The following TMEM132D variants were observed in gnomAD, a reference collection of about 807,000 sequenced individuals.
TMEM132D encodes the protein transmembrane protein 132D.
TMEM132D carries 21 observed loss-of-function variants against 62.3 expected under a neutral mutation model. The observed-to-expected ratio is 0.34, with a 90% CI of 0.24 to 0.49. The LOEUF (loss-of-function observed/expected upper bound fraction) is 0.49. Ranked by LOEUF, TMEM132D falls within the 20% of genes least tolerant of loss-of-function variation. The pLI is 0.99. For missense variants in TMEM132D, 1,346 were observed against 1,402.8 expected (o/e 0.96, Z 0.65); for synonymous variants, 621 against 575.6 (o/e 1.08, Z -1.13).
At chr12:129,524,612 G>A (rs1179622100) in intron 3 of TMEM132D, among the ~76,000 whole-genome samples, 2 of 152,116 alleles carry the variant, frequency 1.3e-5, no homozygotes, top group Admixed American at 1.3e-4. Context: ...CATCTCTCCA[G>A]ATTGATGGCT....
At chr12:129,168,195 T>C (rs1460989010) in intron 5 of TMEM132D, among the ~76,000 whole-genome samples, 1 of 152,224 alleles carries the variant, frequency 6.6e-6, no homozygotes, top group Non-Finnish European at 1.5e-5. Context: ...GTTTTAACTA[T>C]GGTTTCCACT....
chr12:129,566,067 G>A (rs1373238661), intron 2 of TMEM132D, among the ~76,000 whole-genome samples: 1 of 152,228 alleles, frequency 6.6e-6, no homozygotes, highest in Non-Finnish European at 1.5e-5. Flanking sequence ...TTAGGTGATT[G>A]AGCTGTAAGC....
chr12:129,458,746 C>T (rs1197098645), intron 3 of TMEM132D, among the ~76,000 whole-genome samples: 2 of 152,166 alleles, frequency 1.3e-5, no homozygotes, highest in Admixed American at 6.5e-5. Flanking sequence ...TGAGCAGGCT[C>T]ATATTCGGCC....
At chr12:129,332,135 A>C (rs553038589) in intron 4 of TMEM132D, among the ~76,000 whole-genome samples, 3 of 152,328 alleles carry the variant, frequency 2.0e-5, no homozygotes, top group East Asian at 3.9e-4. Context: ...ACAGATAAGC[A>C]CTTGATAAAT....
intron 6 of TMEM132D, 44 bp downstream of exon 6, chr12:129,084,453 C>T (rs1396534784): frequency 6.5e-7 from 1 of 1,543,238 alleles, no homozygotes; most frequent in Admixed American, 1.9e-5. Context: ...CCACCCCGTA[C>T]ACTTCCTCCT....
At chr12:129,547,307 T>C (rs1566105817) in intron 2 of TMEM132D, among the ~76,000 whole-genome samples, 1 of 152,170 alleles carries the variant, frequency 6.6e-6, no homozygotes, top group African/African-American at 2.4e-5. Context: ...GGTTCAATCA[T>C]AGGTCACTGC....
At chr12:129,854,921 T>A (rs149897492) in intron 1 of TMEM132D, 1 of 152,392 alleles carries the variant, frequency 6.6e-6, no homozygotes, top group East Asian at 1.9e-4. Context: ...GAAGGCACCA[T>A]CCAGCAACCT....
intron 1 of TMEM132D, among the ~76,000 whole-genome samples, chr12:129,716,749 G>A (rs1868590073): frequency 6.6e-6 from 1 of 152,168 alleles, no homozygotes; most frequent in South Asian, 2.1e-4. Flanking sequence ...GCTTAAGAGT[G>A]GAAGAGGGAG....
intron 3 of TMEM132D, among the ~76,000 whole-genome samples, chr12:129,366,220 C>T (rs984846020): frequency 2.6e-5 from 4 of 152,096 alleles, no homozygotes; most frequent in Non-Finnish European, 5.9e-5. Context: ...TCTGTGTCCC[C>T]GCCCAAATCT....
chr12:129,336,359 C>T (rs891149101), intron 4 of TMEM132D, among the ~76,000 whole-genome samples: 2 of 151,976 alleles, frequency 1.3e-5, no homozygotes, highest in Admixed American at 6.6e-5. Context: ...GGGTGGATCA[C>T]GAGGTCAAGA....
intron 2 of TMEM132D, among the ~76,000 whole-genome samples, chr12:129,535,984 T>A (rs1876376607): frequency 6.6e-6 from 1 of 152,160 alleles, no homozygotes; most frequent in Admixed American, 6.5e-5. Flanking sequence ...TATTGGCTAA[T>A]CAGCTATCCG....
At position 129,154,183 on chromosome 12, in the gene TMEM132D, G is replaced by A. The variant is rs928723319; in HGVS notation, c.1443+55337C>T. 4.6e-5 allele frequency among the ~76,000 whole-genome samples: 7 copies of A among 152,140 alleles called. 1 individual carries two copies. Among genetic ancestry groups the A allele is most frequent in the Admixed American group, 3.3e-4 (5 of 15,278 alleles). On this transcript the variant is annotated intron_variant, in intron 5 of 8. Transcript: ENST00000422113. ...ATCCAGTGAAGGGGAGTGAATGTGA[G>A]GTGGTGCATTTGTGGGATGACAGCT...
rs562538468 is a variant in TMEM132D at position 129,321,538 on chromosome 12, A to G, written c.1299+16096T>C. ...ATAAATGTGGTCCTCACGCCTCAGGACCATGGCATGAGGCAGATCTTTTCT... is the reference window on the plus strand; with the variant it reads ...ATAAATGTGGTCCTCACGCCTCAGGGCCATGGCATGAGGCAGATCTTTTCT... On this transcript the variant is annotated intron_variant, in intron 4 of 8. Transcript: ENST00000422113. 2.6e-4 allele frequency among the ~76,000 whole-genome samples: 39 copies of G among 150,926 alleles called. No homozygotes were observed. The South Asian group carries it at 7.5e-3, about 29-fold the overall frequency.
chr12:129,877,191 A>G (rs1157159770), intron 1 of TMEM132D, among the ~76,000 whole-genome samples: 1 of 23,120 alleles, frequency 4.3e-5, no homozygotes, highest in African/African-American at 6.9e-5. Flanking sequence ...ATGTAATATT[A>G]TAGTATAATA....
intron 3 of TMEM132D, among the ~76,000 whole-genome samples, chr12:129,513,534 G>T (rs889791377): frequency 1.3e-5 from 2 of 152,120 alleles, no homozygotes; most frequent in African/African-American, 2.4e-5. Context: ...GCCCGGGCTG[G>T]AGTGCAGTGG....
chr12:129,282,651 G>A (rs917415175), intron 4 of TMEM132D, among the ~76,000 whole-genome samples: 21 of 152,258 alleles, frequency 1.4e-4, no homozygotes, highest in African/African-American at 5.1e-4. Flanking sequence ...GGATCATCTG[G>A]GAGGTAGGTG....
chr12:129,079,092 ATTAT>A (rs1392436528), intron 7 of TMEM132D, among the ~76,000 whole-genome samples: 1 of 152,212 alleles, frequency 6.6e-6, no homozygotes, highest in Non-Finnish European at 1.5e-5. Context: ...TTTGTTTAAA[ATTAT>A]TTATTTTACT....
At chr12:129,230,987 T>C (rs1386122583) in intron 4 of TMEM132D, among the ~76,000 whole-genome samples, 2 of 152,246 alleles carry the variant, frequency 1.3e-5, no homozygotes, top group Non-Finnish European at 2.9e-5. Context: ...CACCATGATA[T>C]GTAGCCAGGG....
rs372970209 is a variant in TMEM132D, at chr12:129,084,096, C to T, written c.1649+401G>A. ...TCCCTTCTCCTAGAATTTGTTCATT[C>T]GTTCAGCCTTGGTGCACCTCTTCCT... On this transcript the variant is annotated intron_variant, in intron 6 of 8. Transcript: ENST00000422113. Among the ~76,000 whole-genome samples, 8 of 152,112 alleles carry T rather than the reference C, an allele frequency of 5.3e-5. No homozygotes were observed. The East Asian group carries it at 5.8e-4, about 11-fold the overall frequency.
Sources: allele counts gnomAD v4.1 joint callset (sites outside exome capture counted in the v4.1 genomes callset), GRCh38; gene constraint gnomAD v4.1.1; transcripts MANE v1.5; gene names NCBI Gene and HGNC (gene_info 2026-07-23, HGNC 2026-07-21).